SCML2: variants seen among roughly 807,000 people sequenced by gnomAD.
SCML2 encodes the protein sex comb on midleg-like protein 2.
Under a neutral mutation model 48.4 loss-of-function variants are expected in SCML2, and 6 were observed. The observed-to-expected ratio is 0.12, with a 90% confidence interval of 0.07 to 0.24. SCML2 has a LOEUF of 0.24. SCML2 is among the 10% of genes least tolerant of loss of function. The probability of loss-of-function intolerance (pLI) is 1.00; values close to 1 mark genes in which losing one functional copy is unlikely to be tolerated. For missense variants in SCML2, 377 were observed against 528.2 expected (o/e 0.71, Z 2.81); for synonymous variants, 181 against 189.5 (o/e 0.95, Z 0.37).
chrX:18,330,072 T>C (rs1220358856), intron 3 of SCML2, among the ~76,000 whole-genome samples: 3 of 111,701 alleles, frequency 2.7e-5, no homozygotes, highest in African/African-American at 9.8e-5. Flanking sequence ...AGCGAGACTC[T>C]GTCTCAAAGA....
At position 18,240,125 on chromosome X, in the gene SCML2, A is replaced by G. The variant is rs1236660915; in HGVS notation, c.*1126T>C. ...AGAGAACTTCCCTGTATGGAAACCA[A>G]TCTACAGATTGTTTCATATCCCCTG... On this transcript the variant is annotated 3_prime_UTR_variant, in exon 15 of 15. Coordinates refer to ENST00000251900, the MANE Select transcript of SCML2 (RefSeq NM_006089.3). 8.9e-6 allele frequency: 1 copy of G among 112,567 alleles called. No individual in the cohort carries two copies. Among genetic ancestry groups the G allele is most frequent in the Non-Finnish European group, 1.9e-5 (1 of 53,338 alleles). The allele number at this position is 112,567 out of a possible 1,213,427, so 9.3% of individuals were successfully genotyped here.
intron 6 of SCML2, among the ~76,000 whole-genome samples, chrX:18,310,086 C>T (rs1458247574): frequency 9.0e-6 from 1 of 111,292 alleles, no homozygotes; most frequent in Non-Finnish European, 1.9e-5. Flanking sequence ...AAGTGAAATG[C>T]TTTTAAAGAA....
intron 6 of SCML2, among the ~76,000 whole-genome samples, chrX:18,319,400 A>G (rs1292582173): frequency 9.1e-6 from 1 of 109,464 alleles, no homozygotes; most frequent in Admixed American, 9.8e-5. Flanking sequence ...GGAGTTCAAG[A>G]CCAGCCTGGC....
At position 18,323,869 on chromosome X, in the gene SCML2, T is replaced by C. The variant is rs772672329; in HGVS notation, c.387A>G (p.Gln129=). 3 of 1,197,100 alleles carry C rather than the reference T, an allele frequency of 2.5e-6. No individual in the cohort carries two copies. Among genetic ancestry groups the C allele is most frequent in the South Asian group, 1.8e-5 (1 of 56,612 alleles). The part of the protein sequence containing the change: ...GTCEKEGDLL[Q]PPLGYQMNTS... ...AAACTTTCTTCTTACCTAGTGGAGG[T>C]TGAAGTAAGTCTCCTTCCTTTTCAC... Residue 129 remains glutamine, a synonymous_variant, in exon 5 of 15, where the codon CAA becomes CAG. Coordinates refer to ENST00000251900, the MANE Select transcript of SCML2 (RefSeq NM_006089.3).
At chrX:18,351,740 C>T (rs1037245982) in intron 1 of SCML2, among the ~76,000 whole-genome samples, 1 of 109,706 alleles carries the variant, frequency 9.1e-6, no homozygotes, top group African/African-American at 3.3e-5. Context: ...TGTATCCACC[C>T]GTGTTCCAGT....
intron 11 of SCML2, among the ~76,000 whole-genome samples, chrX:18,249,911 C>T (rs1020252111): frequency 1.8e-5 from 2 of 110,768 alleles, no homozygotes; most frequent in Non-Finnish European, 3.8e-5. Flanking sequence ...AAGGAAATAT[C>T]TACCCAATCA....
chrX:18,352,094 A>C (rs1057441916), intron 1 of SCML2, among the ~76,000 whole-genome samples: 21 of 111,913 alleles, frequency 1.9e-4, no homozygotes, highest in Non-Finnish European at 2.8e-4. Context: ...AAAAAGGAAC[A>C]AGCCCAAAAG....
intron 6 of SCML2, among the ~76,000 whole-genome samples, chrX:18,317,022 G>C (rs1031049904): frequency 5.4e-5 from 6 of 111,876 alleles, no homozygotes; most frequent in Non-Finnish European, 1.1e-4. Flanking sequence ...AATACCCTTT[G>C]GGGATGCAAT....
intron 7 of SCML2, among the ~76,000 whole-genome samples, chrX:18,304,284 T>TA (rs1928688202): frequency 8.9e-6 from 1 of 111,927 alleles, no homozygotes; most frequent in Non-Finnish European, 1.9e-5. Flanking sequence ...CCTCAGCAGT[T>TA]ACTCCATCAT....
chrX:18,268,189 T>C (rs1480551529), intron 7 of SCML2, among the ~76,000 whole-genome samples: 1 of 112,669 alleles, frequency 8.9e-6, no homozygotes, highest in Non-Finnish European at 1.9e-5. Flanking sequence ...AATCTTCTAC[T>C]TTATGAGAAG....
chrX:18,328,317 C>T, intron 3 of SCML2, among the ~76,000 whole-genome samples: 1 of 111,492 alleles, frequency 9.0e-6, no homozygotes, highest in African/African-American at 3.3e-5. Context: ...CACTAATTCA[C>T]AGCATTTATC....
At chrX:18,295,692 T>C (rs1408243981) in intron 7 of SCML2, among the ~76,000 whole-genome samples, 1 of 96,564 alleles carries the variant, frequency 1.0e-5, no homozygotes, top group Non-Finnish European at 2.0e-5. Context: ...CCGGTGTCCA[T>C]ATACACTGAC....
chrX:18,333,120 A>G (rs757441994), intron 2 of SCML2, among the ~76,000 whole-genome samples: 27 of 109,150 alleles, frequency 2.5e-4, no homozygotes, highest in Non-Finnish European at 1.1e-4. Flanking sequence ...TACTAAAAAT[A>G]CAAAAAATTA....
At chrX:18,281,392 A>G (rs1457277652) in intron 7 of SCML2, among the ~76,000 whole-genome samples, 1 of 112,049 alleles carries the variant, frequency 8.9e-6, no homozygotes, top group Admixed American at 9.5e-5. Context: ...GCCTTCATCA[A>G]CAAGTTACAA....
At chrX:18,317,382 G>T (rs1929156808) in intron 6 of SCML2, among the ~76,000 whole-genome samples, 1 of 111,778 alleles carries the variant, frequency 8.9e-6, no homozygotes, top group African/African-American at 3.3e-5. Context: ...GAATTCTGAT[G>T]ATCCATACTA....
intron 7 of SCML2, among the ~76,000 whole-genome samples, chrX:18,291,204 G>A (rs1928221597): frequency 9.0e-6 from 1 of 111,691 alleles, no homozygotes; most frequent in Admixed American, 9.6e-5. Context: ...CAGACACTCT[G>A]TACGGGTCTC....
chrX:18,329,613 T>A (rs1167345238), intron 3 of SCML2, among the ~76,000 whole-genome samples: 1 of 112,801 alleles, frequency 8.9e-6, no homozygotes, highest in Non-Finnish European at 1.9e-5. Flanking sequence ...GTGTCTCTGA[T>A]GCAATATTAT....
chrX:18,247,270 T>C lies in SCML2; in HGVS notation c.1571-442A>G, dbSNP rs754361362. Among the ~76,000 whole-genome samples, 4 of 111,737 alleles carry C rather than the reference T, an allele frequency of 3.6e-5. No individual in the cohort carries two copies. The South Asian group carries it at 1.5e-3, about 43-fold the overall frequency. ...ACTTGGCGTTCCTTGGCATTTATAT[T>C]AATGGACATTGTCCTACAGTCCAAA... On this transcript the variant is annotated intron_variant, in intron 12 of 14. Transcript: ENST00000251900.
In SCML2 at chrX:18,334,623, T is replaced by G. The variant is rs916263701; in HGVS notation, c.-24-528A>C. ...TAACAAGAATTATTTGTTAGAAGCC[T>G]TGTGTATTTTGAGCTATAATTCATT... On this transcript the variant is annotated intron_variant, in intron 1 of 14. Coordinates refer to ENST00000251900, the MANE Select transcript of SCML2 (RefSeq NM_006089.3). Among the ~76,000 whole-genome samples, 3 of 111,624 alleles carry G rather than the reference T, an allele frequency of 2.7e-5. No homozygotes were observed. The Admixed American group carries it at 2.9e-4, about 11-fold the overall frequency.
Sources: allele counts gnomAD v4.1 joint callset (sites outside exome capture counted in the v4.1 genomes callset), GRCh38; gene constraint gnomAD v4.1.1; transcripts MANE v1.5; gene names NCBI Gene and HGNC (gene_info 2026-07-23, HGNC 2026-07-21).